ARHGEF4: variants seen among roughly 807,000 people sequenced by gnomAD.
The protein encoded by ARHGEF4 is Rho guanine nucleotide exchange factor 4, also known as APC-stimulated guanine nucleotide exchange factor 1.
A neutral mutation model predicts 162.0 loss-of-function variants in ARHGEF4; 119 were observed. The observed-to-expected ratio is 0.73, with a 90% CI of 0.63 to 0.86. The LOEUF (loss-of-function observed/expected upper bound fraction) is 0.86, where lower values mean the gene tolerates loss of function less well. Ranked by LOEUF, ARHGEF4 falls within the 40% of genes least tolerant of loss-of-function variation. ARHGEF4 has a pLI of 0.00. For missense variants in ARHGEF4, 2,488 were observed against 2,456.0 expected (o/e 1.01, Z -0.28); for synonymous variants, 1,014 against 979.9 (o/e 1.03, Z -0.65).
At chr2:130,981,238 A>G (rs1459766694) in intron 4 of ARHGEF4, among the ~76,000 whole-genome samples, 1 of 152,232 alleles carries the variant, frequency 6.6e-6, no homozygotes, top group African/African-American at 2.4e-5. Flanking sequence ...AGAACAAATA[A>G]TGACTTGCTA....
chr2:130,937,727 G>T (rs1683048898), intron 3 of ARHGEF4, among the ~76,000 whole-genome samples: 1 of 151,330 alleles, frequency 6.6e-6, no homozygotes, highest in Non-Finnish European at 1.5e-5. Context: ...GAGTGCAGTG[G>T]TGCGATCTCG....
At chr2:131,032,743 C>G (rs1271159390) in intron 5 of ARHGEF4, among the ~76,000 whole-genome samples, 1 of 151,948 alleles carries the variant, frequency 6.6e-6, no homozygotes, top group African/African-American at 2.4e-5. Context: ...AGTCCTGCCA[C>G]CAGCCTAGTT....
intron 3 of ARHGEF4, among the ~76,000 whole-genome samples, chr2:130,931,558 G>T (rs1410937442): frequency 6.6e-6 from 1 of 152,224 alleles, no homozygotes; most frequent in Non-Finnish European, 1.5e-5. Flanking sequence ...AGAGAAGACT[G>T]CCATTTAATG....
chr2:131,038,089 AAC>A (rs1368241450), intron 5 of ARHGEF4, among the ~76,000 whole-genome samples: 3 of 152,134 alleles, frequency 2.0e-5, no homozygotes, highest in Non-Finnish European at 4.4e-5. Context: ...AGTGTTGAAA[AAC>A]ACACAGTAAA....
At chr2:130,901,151 G>T (rs142181046) in intron 1 of ARHGEF4, among the ~76,000 whole-genome samples, 10 of 152,304 alleles carry the variant, frequency 6.6e-5, no homozygotes, top group African/African-American at 1.4e-4. Context: ...GCCTGGAGCT[G>T]CAGAGTCTGG....
chr2:130,952,342 G>A (rs1253280811), intron 4 of ARHGEF4, among the ~76,000 whole-genome samples: 1 of 152,028 alleles, frequency 6.6e-6, no homozygotes, highest in Non-Finnish European at 1.5e-5. Context: ...TTTTTAGCAG[G>A]CCTTTGACAG....
At chr2:131,024,462 A>C (rs1013390407) in intron 4 of ARHGEF4, among the ~76,000 whole-genome samples, 5 of 152,210 alleles carry the variant, frequency 3.3e-5, no homozygotes, top group African/African-American at 1.2e-4. Flanking sequence ...TTTTTAGTAG[A>C]GACAGGATTT....
intron 4 of ARHGEF4, among the ~76,000 whole-genome samples, chr2:130,956,105 A>C (rs879860233): frequency 5.9e-5 from 9 of 152,208 alleles, no homozygotes; most frequent in Non-Finnish European, 1.2e-4. Flanking sequence ...CCACCTTAGA[A>C]GCAGGGGTAG....
chr2:131,034,452 C>T (rs1690084255), intron 5 of ARHGEF4, among the ~76,000 whole-genome samples: 1 of 152,204 alleles, frequency 6.6e-6, no homozygotes. Flanking sequence ...CACAATGCTG[C>T]TCGGACGCTG....
chr2:130,913,093 G>A (rs1243748166), intron 1 of ARHGEF4, among the ~76,000 whole-genome samples: 2 of 151,988 alleles, frequency 1.3e-5, no homozygotes, highest in African/African-American at 4.8e-5. Flanking sequence ...ATCGGCTGGG[G>A]GTCTTGGAAC....
chr2:131,027,715 A>G (rs780905305), intron 4 of ARHGEF4, among the ~76,000 whole-genome samples: 10 of 152,164 alleles, frequency 6.6e-5, no homozygotes, highest in Non-Finnish European at 1.5e-4. Flanking sequence ...AAGTTGCTGT[A>G]GACTGGGTGA....
chr2:130,915,263 T>A lies in ARHGEF4; in HGVS notation c.1317T>A (p.Ala439=). 6.4e-7 allele frequency: 1 copy of A among 1,550,556 alleles called. No homozygotes were observed. The change falls in exon 2 of 14, where the codon GCT becomes GCA. Residue 439 remains alanine, a synonymous_variant. Coordinates refer to ENST00000409359, the MANE Select transcript of ARHGEF4 (RefSeq NM_001367493.1). ...LRQDSRSCLV[A]SCLTSELVKL... ...AGGATTCCAGGTCATGTCTGGTGGCTTCATGCCTCACCTCAGAGTTAGTGA... is the reference window on the plus strand; with the variant it reads ...AGGATTCCAGGTCATGTCTGGTGGCATCATGCCTCACCTCAGAGTTAGTGA...
rs182059759 is a variant in ARHGEF4, at chr2:130,864,499, C to T, written c.39+27507C>T. The stretch of plus-strand genomic sequence containing the variant: ...CAGCACTTTGGGAGGCCGAGGCAGG[C>T]GAATCACTAGAGGTCAGGAGTTCAA... On this transcript the variant is annotated intron_variant, in intron 1 of 13. Coordinates refer to ENST00000409359, the MANE Select transcript of ARHGEF4 (RefSeq NM_001367493.1). Among the ~76,000 whole-genome samples, 533 of 152,208 alleles carry T rather than the reference C, an allele frequency of 3.5e-3. 6 individuals are homozygous for T. Among genetic ancestry groups the T allele is most frequent in the Admixed American group, 0.011 (166 of 15,288 alleles).
intron 4 of ARHGEF4, among the ~76,000 whole-genome samples, chr2:130,962,511 A>C (rs1346402903): frequency 6.6e-6 from 1 of 152,194 alleles, no homozygotes; most frequent in African/African-American, 2.4e-5. Flanking sequence ...CATGATAGAC[A>C]AGATACTAGA....
chr2:130,969,553 C>T (rs890250882), intron 4 of ARHGEF4, among the ~76,000 whole-genome samples: 5 of 151,486 alleles, frequency 3.3e-5, no homozygotes, highest in Admixed American at 1.3e-4. Context: ...GAGCCGAGAT[C>T]GCGCCACTGC....
At chr2:130,900,327 GT>G (rs1450552722) in intron 1 of ARHGEF4, among the ~76,000 whole-genome samples, 1 of 152,054 alleles carries the variant, frequency 6.6e-6, no homozygotes, top group African/African-American at 2.4e-5. Flanking sequence ...ATAACCGTGG[GT>G]TTTTCTATTT....
At chr2:131,011,847 T>C (rs1265326107) in intron 4 of ARHGEF4, 1 of 715,416 alleles carries the variant, frequency 1.4e-6, no homozygotes, top group Admixed American at 2.0e-5. Context: ...AGCTGGAGGT[T>C]CTTGTGTCAC....
chr2:131,034,714 C>CGGGGCATCCCCGAGCGCCCCCG (rs1291164401), intron 5 of ARHGEF4, among the ~76,000 whole-genome samples: 4 of 152,178 alleles, frequency 2.6e-5, no homozygotes, highest in African/African-American at 9.6e-5. Flanking sequence ...GAGGAGGTCC[C>CGGGGCATCCCCGAGCGCCCCCG]GGGGCATCCC....
At chr2:131,041,170 C>A (rs1690784911) in intron 8 of ARHGEF4, 60 bp from the exon 9 acceptor site, 1 of 1,505,040 alleles carries the variant, frequency 6.6e-7, no homozygotes, top group Non-Finnish European at 9.1e-7. Context: ...CCCACACATG[C>A]AGCTGGATTG....
Sources: allele counts gnomAD v4.1 joint callset (sites outside exome capture counted in the v4.1 genomes callset), GRCh38; gene constraint gnomAD v4.1.1; transcripts MANE v1.5; gene names NCBI Gene and HGNC (gene_info 2026-07-23, HGNC 2026-07-21).